The following PGAP1 variants were observed in gnomAD, a reference collection of about 807,000 sequenced individuals.
The protein encoded by PGAP1 is GPI inositol-deacylase.
Under a neutral mutation model 127.0 loss-of-function variants are expected in PGAP1, and 76 were observed. The ratio of observed to expected loss-of-function variants is 0.60; its 90% CI spans 0.50 to 0.72. The LOEUF (loss-of-function observed/expected upper bound fraction) is 0.72. Among genes scored for constraint, PGAP1 ranks in the 30% least tolerant of loss-of-function variants. The pLI is 0.00. For missense variants in PGAP1, 982 were observed against 1,071.3 expected, an observed-to-expected ratio of 0.92 and a Z score of 1.16; for synonymous variants, 362 against 366.5, an observed-to-expected ratio of 0.99 and a Z score of 0.14.
In PGAP1 at chr2:196,843,871, A is replaced by G. The variant is rs770346009; in HGVS notation, c.2525+17T>C. ...TGTTTGAACCACATAAACAATAATT[A>G]TATCAATAAAACGCACCTAAGATTC... On this transcript the variant is annotated intron_variant, in intron 25 of 26. Coordinates refer to ENST00000354764, the MANE Select transcript of PGAP1 (RefSeq NM_024989.4). The G allele has an allele frequency of 1.4e-6, 2 of 1,423,258 alleles. No individual in the cohort carries two copies. The highest frequency in any genetic ancestry group is 2.4e-5 in the East Asian group (1 of 41,318). 88.2% of individuals were successfully genotyped at this position (1,423,258 alleles called of 1,614,324 possible).
intron 1 of PGAP1, chr2:196,922,027 G>T: frequency 1.9e-6 from 1 of 529,280 alleles, no homozygotes. Context: ...ACAGGAGCAG[G>T]ACTCCAATAT....
In PGAP1 at chr2:196,848,075, A is replaced by G. The variant is rs951052523; in HGVS notation, c.1862-38T>C. 4 of 1,427,276 alleles carry G rather than the reference A, an allele frequency of 2.8e-6. No homozygotes were observed. In the African/African-American group the frequency reaches 5.8e-5, roughly 21 times the overall value. The allele number at this position is 1,427,276 out of a possible 1,614,324, so 88.4% of individuals were successfully genotyped here. A position where few individuals can be genotyped will look rare whatever the true frequency, so the allele number is the denominator to read the frequency against. On this transcript the variant is annotated intron_variant, in intron 20 of 26. Transcript: ENST00000354764. Reference sequence around the variant, plus strand: ...AAAAAGTTACATGCAATTTACAGTAATTAAGTATGAGATATACTATATCCC... The same window carrying G: ...AAAAAGTTACATGCAATTTACAGTAGTTAAGTATGAGATATACTATATCCC...
At chr2:196,871,559 C>T (rs1396187091) in intron 18 of PGAP1, among the ~76,000 whole-genome samples, 1 of 152,004 alleles carries the variant, frequency 6.6e-6, no homozygotes, top group African/African-American at 2.4e-5. Flanking sequence ...TAAATATGAA[C>T]ATGCAAATTA....
chr2:196,849,541 T>C (rs1483422689), intron 20 of PGAP1, among the ~76,000 whole-genome samples: 1 of 151,942 alleles, frequency 6.6e-6, no homozygotes, highest in Non-Finnish European at 1.5e-5. Context: ...CCCAAAGTGT[T>C]GGGATTACAG....
In PGAP1 at chr2:196,838,604, G is replaced by A. The variant is rs900787750; in HGVS notation, c.*2630C>T. ...ATGGCTAAAGACCCAACCTACTATT[G>A]ATTATAAAATGTTTAATTAGAATCA... is the stretch of plus-strand genomic sequence containing the variant. On this transcript the variant is annotated 3_prime_UTR_variant, in exon 27 of 27. Transcript: ENST00000354764. 1.3e-5 allele frequency: 2 copies of A among 152,238 alleles called. No homozygotes were observed. The highest frequency in any genetic ancestry group is 3.4e-3 in the Middle Eastern group (1 of 296). 9.4% of individuals were successfully genotyped at this position (152,238 alleles called of 1,614,324 possible). A position where few individuals can be genotyped will look rare whatever the true frequency, so the allele number is the denominator to read the frequency against.
intron 3 of PGAP1, among the ~76,000 whole-genome samples, chr2:196,913,776 G>A (rs1397010043): frequency 6.6e-6 from 1 of 152,164 alleles, no homozygotes; most frequent in Non-Finnish European, 1.5e-5. Context: ...GGCATGGGCT[G>A]GATACAAGGT....
At chr2:196,916,351 C>T in intron 3 of PGAP1, 67 bp downstream of exon 3, 1 of 1,377,312 alleles carries the variant, frequency 7.3e-7, no homozygotes, top group South Asian at 1.7e-5. Flanking sequence ...TTAAAGTATA[C>T]TGAATCCCTT....
At chr2:196,848,415 C>G (rs1006803846) in intron 20 of PGAP1, among the ~76,000 whole-genome samples, 3 of 152,128 alleles carry the variant, frequency 2.0e-5, no homozygotes, top group Non-Finnish European at 4.4e-5. Context: ...TCACCACAGT[C>G]TTAGAACACT....
intron 13 of PGAP1, among the ~76,000 whole-genome samples, chr2:196,878,652 T>C (rs192522165): frequency 6.6e-6 from 1 of 152,300 alleles, no homozygotes; most frequent in East Asian, 1.9e-4. Context: ...TAGTTAAAAA[T>C]CTTATGGCTT....
At chr2:196,873,493 T>C in intron 16 of PGAP1, 35 bp downstream of exon 16, 1 of 1,517,156 alleles carries the variant, frequency 6.6e-7, no homozygotes, top group Non-Finnish European at 9.0e-7. Flanking sequence ...AATGACAATA[T>C]TATTTTCTAT....
chr2:196,921,989 G>A lies in PGAP1; in HGVS notation c.148-1839C>T, dbSNP rs76323452. 1,629 of 277,800 alleles carry A rather than the reference G, an allele frequency of 5.9e-3. 24 individuals carry two copies. The highest frequency in any genetic ancestry group is 0.035 in the African/African-American group (1,529 of 43,194). The allele number at this position is 277,800 out of a possible 1,614,324, so 17.2% of individuals were successfully genotyped here. A position where few individuals can be genotyped will look rare whatever the true frequency, so the allele number is the denominator to read the frequency against. On this transcript the variant is annotated intron_variant, in intron 1 of 26. Transcript: ENST00000354764. ...GGATGCTGATAAGAAAACAGAAGAC[G>A]GTCAAGGGATATAAAAGGAAAATAC...
At position 196,847,086 on chromosome 2, in the gene PGAP1, A is replaced by G. The variant is rs763970107; in HGVS notation, c.2067T>C (p.Phe689=). 6.8e-6 allele frequency: 11 copies of G among 1,613,684 alleles called. No individual in the cohort carries two copies. The highest frequency in any genetic ancestry group is 9.3e-6 in the Non-Finnish European group (11 of 1,179,808). The change falls in exon 22 of 27, where the codon TTT becomes TTC. Residue 689 remains phenylalanine, a synonymous_variant. Coordinates refer to ENST00000354764, the MANE Select transcript of PGAP1 (RefSeq NM_024989.4). The part of the protein sequence containing the change: ...FPLISLILFL[F]GTCTAYWSGL... Reference sequence around the variant, plus strand: ...CACTCCAGTAGGCAGTACACGTTCCAAACAGAAAGAGAATCAAGGATATCA... The same window carrying G: ...CACTCCAGTAGGCAGTACACGTTCCGAACAGAAAGAGAATCAAGGATATCA...
intron 26 of PGAP1, among the ~76,000 whole-genome samples, chr2:196,842,429 A>G (rs1194954404): frequency 6.6e-6 from 1 of 152,086 alleles, no homozygotes; most frequent in Non-Finnish European, 1.5e-5. Context: ...ATCATGGCCA[A>G]TTTTATCTCA....
rs574567932 is a variant in PGAP1 at position 196,838,050 on chromosome 2, A to T, written c.*3184T>A. ...ATTTCTGGCATAAAAAAGATCCAGG[A>T]AAAAAAACAGTGTTAGCAATCTCTA... is the stretch of plus-strand genomic sequence containing the variant. On this transcript the variant is annotated 3_prime_UTR_variant, in exon 27 of 27. Transcript: ENST00000354764. The T allele has an allele frequency of 6.6e-6, 1 of 152,018 alleles. No homozygotes were observed. Among genetic ancestry groups the T allele is most frequent in the Admixed American group, 6.6e-5 (1 of 15,244 alleles). The allele number at this position is 152,018 out of a possible 1,614,324, so 9.4% of individuals were successfully genotyped here.
rs1700262521 is a variant in PGAP1, at chr2:196,837,234, G to T, written c.*4000C>A. On this transcript the variant is annotated 3_prime_UTR_variant, in exon 27 of 27. Coordinates refer to ENST00000354764, the MANE Select transcript of PGAP1 (RefSeq NM_024989.4). ...GCTTTCAAGAACTAAACTGAAAACT[G>T]AATTTTACCACCTTTTATTTCCCTT... 1 of 152,156 alleles carries T rather than the reference G, an allele frequency of 6.6e-6. No homozygotes were observed. The highest frequency in any genetic ancestry group is 3.2e-3 in the Middle Eastern group (1 of 314). The allele number at this position is 152,156 out of a possible 1,614,324, so 9.4% of individuals were successfully genotyped here.
chr2:196,879,123 C>T (rs1267946062), intron 13 of PGAP1, among the ~76,000 whole-genome samples: 1 of 152,056 alleles, frequency 6.6e-6, no homozygotes, highest in African/African-American at 2.4e-5. Flanking sequence ...AGTACAGTGG[C>T]TATTCACAGG....
chr2:196,923,728 T>C (rs184825829), intron 1 of PGAP1, among the ~76,000 whole-genome samples: 12 of 152,052 alleles, frequency 7.9e-5, no homozygotes, highest in Admixed American at 5.9e-4. Flanking sequence ...TGGCACAATC[T>C]TGGCTCACTG....
intron 1 of PGAP1, among the ~76,000 whole-genome samples, chr2:196,920,974 T>C (rs1334490313): frequency 6.6e-6 from 1 of 152,114 alleles, no homozygotes; most frequent in Non-Finnish European, 1.5e-5. Context: ...TAGTAAAGTA[T>C]ACATACACCC....
chr2:196,926,070 C>T (rs1227127425), intron 1 of PGAP1, among the ~76,000 whole-genome samples: 1 of 151,976 alleles, frequency 6.6e-6, no homozygotes, highest in Non-Finnish European at 1.5e-5. Flanking sequence ...CGGGTTAAGG[C>T]AAGAACGCGA....
Sources: allele counts gnomAD v4.1 joint callset (sites outside exome capture counted in the v4.1 genomes callset), GRCh38; gene constraint gnomAD v4.1.1; transcripts MANE v1.5; gene names NCBI Gene and HGNC (gene_info 2026-07-23, HGNC 2026-07-21).